Variants in DEUP1 observed in about 807,000 individuals in gnomAD.
The protein encoded by DEUP1 is coiled-coil domain containing 67.
In DEUP1, 82 loss-of-function variants were observed where a neutral mutation model predicts 87.4. That is an observed-to-expected ratio of 0.94 (90% CI 0.78 to 1.13). The LOEUF (loss-of-function observed/expected upper bound fraction) is 1.13. Ranked by LOEUF, DEUP1 falls within the 50% of genes most tolerant of loss-of-function variation. DEUP1 has a pLI of 0.00. For missense variants in DEUP1, 663 were observed against 681.5 expected (o/e 0.97, Z 0.30); for synonymous variants, 214 against 222.7 (o/e 0.96, Z 0.35).
At chr11:93,343,097 A>G (rs1312054586) in intron 2 of DEUP1, among the ~76,000 whole-genome samples, 1 of 152,204 alleles carries the variant, frequency 6.6e-6, no homozygotes, top group Non-Finnish European at 1.5e-5. Flanking sequence ...TAAGCTGCAG[A>G]TACACAATTA....
intron 7 of DEUP1, among the ~76,000 whole-genome samples, chr11:93,378,979 C>T (rs1000023917): frequency 1.1e-4 from 16 of 152,156 alleles, no homozygotes; most frequent in African/African-American, 2.7e-4. Context: ...GGATTTGATC[C>T]ATACAAATCA....
intron 7 of DEUP1, among the ~76,000 whole-genome samples, chr11:93,378,992 G>A (rs1946172346): frequency 6.6e-6 from 1 of 152,152 alleles, no homozygotes; most frequent in African/African-American, 2.4e-5. Flanking sequence ...ACAAATCAAT[G>A]TTCTGCTCAG....
In DEUP1 at chr11:93,396,219, C is replaced by T. The variant is rs1292024141; in HGVS notation, c.1240-20C>T. On this transcript the variant is annotated intron_variant, in intron 10 of 13. Coordinates refer to ENST00000298050, the MANE Select transcript of DEUP1 (RefSeq NM_181645.4). ...TTTTTATTATGAATTTTACATTTGC[C>T]TTTTATCTGCTAATTTCAGGTCTCA... is the stretch of plus-strand genomic sequence containing the variant. 1.4e-6 allele frequency: 2 copies of T among 1,450,876 alleles called. No homozygotes were observed. Among genetic ancestry groups the T allele is most frequent in the Admixed American group, 2.2e-5 (1 of 45,358 alleles). 89.9% of individuals were successfully genotyped at this position (1,450,876 alleles called of 1,614,324 possible). A position where few individuals can be genotyped will look rare whatever the true frequency, so the allele number is the denominator to read the frequency against.
chr11:93,390,631 A>G (rs1946737070), intron 9 of DEUP1, among the ~76,000 whole-genome samples: 1 of 152,222 alleles, frequency 6.6e-6, no homozygotes, highest in South Asian at 2.1e-4. Context: ...ATTTAGATAA[A>G]GTAATAAAAC....
chr11:93,343,319 G>A (rs1944171615), intron 2 of DEUP1, among the ~76,000 whole-genome samples: 2 of 152,198 alleles, frequency 1.3e-5, no homozygotes, highest in Admixed American at 1.3e-4. Flanking sequence ...TAACACTGCA[G>A]TCACTCATCA....
At chr11:93,356,903 G>A in intron 3 of DEUP1, 45 bp from the exon 4 acceptor site, 1 of 1,260,002 alleles carries the variant, frequency 7.9e-7, no homozygotes, top group Non-Finnish European at 1.1e-6. Context: ...GATTTTGTCA[G>A]GCAAAATTTA....
intron 2 of DEUP1, among the ~76,000 whole-genome samples, chr11:93,345,042 T>C (rs1282823808): frequency 6.6e-6 from 1 of 152,110 alleles, no homozygotes; most frequent in African/African-American, 2.4e-5. Context: ...TGAGTGTCTA[T>C]TGTTCCCTTC....
At chr11:93,337,436 G>A (rs906211679) in intron 2 of DEUP1, among the ~76,000 whole-genome samples, 1 of 152,032 alleles carries the variant, frequency 6.6e-6, no homozygotes, top group Non-Finnish European at 1.5e-5. Context: ...TTTGCACATT[G>A]AAAATTCTTT....
intron 11 of DEUP1, among the ~76,000 whole-genome samples, chr11:93,405,709 A>G (rs535777182): frequency 1.3e-5 from 2 of 151,954 alleles, no homozygotes; most frequent in Non-Finnish European, 2.9e-5. Flanking sequence ...TGATACTAAT[A>G]TGACAGTATG....
chr11:93,357,240 G>A, intron 4 of DEUP1, 197 bp downstream of exon 4: 1 of 470,698 alleles, frequency 2.1e-6, no homozygotes, highest in Non-Finnish European at 3.7e-6. Context: ...TATTTTCTGT[G>A]CCTCTGTTAG....
At chr11:93,427,012 G>GAAAAAAA (rs1215051153) in intron 13 of DEUP1, among the ~76,000 whole-genome samples, 28 of 11,848 alleles carry the variant, frequency 2.4e-3, no homozygotes, top group South Asian at 0.013. Context: ...AAAAAAAAAA[G>GAAAAAAA]AAAAAAAAAA....
At chr11:93,416,744 C>T (rs541754329) in intron 13 of DEUP1, among the ~76,000 whole-genome samples, 11 of 151,414 alleles carry the variant, frequency 7.3e-5, no homozygotes, top group African/African-American at 2.7e-4. Context: ...AATTTTAGAC[C>T]AATATCCTTG....
chr11:93,435,857 G>A (rs934778021), intron 13 of DEUP1, among the ~76,000 whole-genome samples: 1 of 152,094 alleles, frequency 6.6e-6, no homozygotes, highest in Non-Finnish European at 1.5e-5. Flanking sequence ...TTAGCCGGGA[G>A]TGGTGGCGGG....
chr11:93,346,787 T>G lies in DEUP1; in HGVS notation c.30-8584T>G, dbSNP rs111421557. Among the ~76,000 whole-genome samples the G allele has an allele frequency of 1.5e-3, 222 of 152,292 alleles. 1 individual carries two copies. The highest frequency in any genetic ancestry group is 5.1e-3 in the African/African-American group (212 of 41,558). Reference sequence around the variant, plus strand: ...CCTCGTGAGCTGTATTCCTAAGTATTTTATTCTTTTTGTGGCAGTTGTGAA... The same window carrying G: ...CCTCGTGAGCTGTATTCCTAAGTATGTTATTCTTTTTGTGGCAGTTGTGAA... On this transcript the variant is annotated intron_variant, in intron 2 of 13. Transcript: ENST00000298050.
At chr11:93,355,933 T>C (rs908890310) in intron 3 of DEUP1, among the ~76,000 whole-genome samples, 12 of 152,020 alleles carry the variant, frequency 7.9e-5, no homozygotes, top group Non-Finnish European at 1.8e-4. Flanking sequence ...CTGGAAAAAA[T>C]AGAAGTAAGA....
At chr11:93,405,999 G>GAATAGAAAGAA (rs1947265593) in intron 11 of DEUP1, among the ~76,000 whole-genome samples, 1 of 151,980 alleles carries the variant, frequency 6.6e-6, no homozygotes, top group Non-Finnish European at 1.5e-5. Flanking sequence ...AATCTGAGGA[G>GAATAGAAAGAA]TAGAAAGAAC....
chr11:93,416,345 G>A (rs1274749183), intron 13 of DEUP1, among the ~76,000 whole-genome samples: 1 of 151,800 alleles, frequency 6.6e-6, no homozygotes, highest in African/African-American at 2.4e-5. Context: ...AATGATAAAG[G>A]GGATATCACC....
intron 12 of DEUP1, 76 bp from the exon 13 acceptor site, chr11:93,414,924 G>A (rs867532421): frequency 2.6e-6 from 2 of 767,744 alleles, no homozygotes; most frequent in African/African-American, 3.6e-5. Context: ...GGACATCTGA[G>A]AGATTAAAAT....
intron 2 of DEUP1, among the ~76,000 whole-genome samples, chr11:93,344,953 T>C (rs1944268576): frequency 6.6e-6 from 1 of 151,974 alleles, no homozygotes; most frequent in Non-Finnish European, 1.5e-5. Context: ...TATTTCATCA[T>C]CCACATACTA....
Sources: gnomAD v4.1 joint callset for allele counts (sites outside exome capture counted in the v4.1 genomes callset) on GRCh38, gnomAD v4.1.1 for gene constraint, MANE v1.5 for transcripts, NCBI Gene and HGNC (gene_info 2026-07-23, HGNC 2026-07-21) for gene names.